PTPRT: variants seen among roughly 807,000 people sequenced by gnomAD.
PTPRT encodes the protein protein tyrosine phosphatase receptor type T.
A neutral mutation model predicts 176.8 loss-of-function variants in PTPRT; 56 were observed. That is an observed-to-expected ratio of 0.32 (90% CI 0.26 to 0.40). The LOEUF (loss-of-function observed/expected upper bound fraction) is 0.40, where lower values mean the gene tolerates loss of function less well. Among genes scored for constraint, PTPRT ranks in the 10% least tolerant of loss-of-function variants. The pLI is 1.00. For missense variants in PTPRT, 1,540 were observed against 1,908.2 expected (o/e 0.81, Z 3.60); for synonymous variants, 783 against 739.0 (o/e 1.06, Z -0.96).
chr20:42,850,155 C>T (rs1057194291), intron 2 of PTPRT, among the ~76,000 whole-genome samples: 2 of 152,210 alleles, frequency 1.3e-5, no homozygotes, highest in Non-Finnish European at 2.9e-5. Context: ...CTTCAGGTTT[C>T]TGAGCAGCAT....
Position 42,276,634 on chromosome 20 carries a change from A to C in PTPRT, c.2176+5855T>G, listed in dbSNP as rs73257046. On this transcript the variant is annotated intron_variant, in intron 13 of 30. Coordinates refer to ENST00000373187, the MANE Select transcript of PTPRT (RefSeq NM_007050.6). Reference sequence around the variant, plus strand: ...TGAAGGGACAGATTCGTAGATTTTAACTGACTTGTCCAAGGTCTAACAGCT... The same window carrying C: ...TGAAGGGACAGATTCGTAGATTTTACCTGACTTGTCCAAGGTCTAACAGCT... Among the ~76,000 whole-genome samples, 507 of 145,562 alleles carry C rather than the reference A, an allele frequency of 3.5e-3. 4 individuals carry two copies. The highest frequency in any genetic ancestry group is 0.012 in the African/African-American group (485 of 39,766).
chr20:43,141,992 T>C (rs549477856), intron 1 of PTPRT, among the ~76,000 whole-genome samples: 7 of 152,258 alleles, frequency 4.6e-5, no homozygotes, highest in Admixed American at 3.3e-4. Context: ...GCATGCGACG[T>C]GGAGTACAGA....
intron 7 of PTPRT, among the ~76,000 whole-genome samples, chr20:42,492,310 C>T (rs533068724): frequency 2.0e-5 from 3 of 152,146 alleles, no homozygotes; most frequent in Non-Finnish European, 2.9e-5. Context: ...CCACCAGCAA[C>T]GTAGGAGAGA....
chr20:42,741,054 G>A (rs988386805), intron 6 of PTPRT, among the ~76,000 whole-genome samples: 8 of 152,280 alleles, frequency 5.3e-5, no homozygotes, highest in African/African-American at 1.9e-4. Context: ...AAATTTGGAA[G>A]GTTTAGAGAG....
Position 42,869,613 on chromosome 20 carries a change from G to A in PTPRT, c.214+16194C>T, listed in dbSNP as rs914788312. Reference sequence around the variant, plus strand: ...TTGATTTCACAGGCACACAGCTGGAGAGCAATTTGCCTCAAGATGAATCAT... The same window carrying A: ...TTGATTTCACAGGCACACAGCTGGAAAGCAATTTGCCTCAAGATGAATCAT... On this transcript the variant is annotated intron_variant, in intron 2 of 30. Transcript: ENST00000373187. 3.3e-5 allele frequency among the ~76,000 whole-genome samples: 5 copies of A among 152,196 alleles called. No homozygotes were observed. In the South Asian group the frequency reaches 6.2e-4, roughly 19 times the overall value.
At chr20:42,992,532 C>T (rs1983976372) in intron 1 of PTPRT, among the ~76,000 whole-genome samples, 1 of 152,200 alleles carries the variant, frequency 6.6e-6, no homozygotes, top group Non-Finnish European at 1.5e-5. Flanking sequence ...AAGGAGTTAG[C>T]ATCTTTATCC....
Position 42,472,279 on chromosome 20 carries a change from C to T in PTPRT, c.1437G>A (p.Gln479=), listed in dbSNP as rs74167780. 1 of 1,614,050 alleles carries T rather than the reference C, an allele frequency of 6.2e-7. No homozygotes were observed. The highest frequency in any genetic ancestry group is 2.2e-5 in the East Asian group (1 of 44,878). The change falls in exon 8 of 31, where the codon CAG becomes CAA. Residue 479 remains glutamine (Q), a synonymous_variant. Transcript: ENST00000373187. The stretch of plus-strand genomic sequence containing the variant: ...TCCCTTGCTCACCGTCTTCCTCAGT[C>T]TGCACCACCAGCTCCTCGCTCTCCA... ...GRMESEELVV[Q]TEEDVPGAVP...
chr20:42,181,033 A>G (rs1414729099), intron 16 of PTPRT, among the ~76,000 whole-genome samples: 1 of 152,268 alleles, frequency 6.6e-6, no homozygotes, highest in African/African-American at 2.4e-5. Context: ...TAAGGATTAA[A>G]TGATATAACG....
rs114946624 is a variant in PTPRT, at chr20:42,125,540, C to T, written c.2847+3214G>A. On this transcript the variant is annotated intron_variant, in intron 19 of 30. Coordinates refer to ENST00000373187, the MANE Select transcript of PTPRT (RefSeq NM_007050.6). ...CCTATTACAGACAGAAGAAGAAGGT[C>T]GTGGTGTGTCCTAAGTGGGCAGAGA... 9.2e-3 allele frequency among the ~76,000 whole-genome samples: 1,399 copies of T among 152,236 alleles called. 23 individuals carry two copies. The highest frequency in any genetic ancestry group is 0.031 in the African/African-American group (1,294 of 41,540).
chr20:42,486,817 C>A (rs533420583), intron 7 of PTPRT, among the ~76,000 whole-genome samples: 7 of 152,036 alleles, frequency 4.6e-5, no homozygotes, highest in Non-Finnish European at 1.0e-4. Context: ...ATGAATGCAC[C>A]AGAGCCGAGC....
chr20:42,268,668 A>C (rs1263489225), intron 13 of PTPRT, among the ~76,000 whole-genome samples: 2 of 152,204 alleles, frequency 1.3e-5, no homozygotes, highest in African/African-American at 4.8e-5. Context: ...AGCACATATG[A>C]TAATTAGTTT....
intron 12 of PTPRT, among the ~76,000 whole-genome samples, chr20:42,292,487 T>C (rs186253959): frequency 1.3e-5 from 2 of 152,252 alleles, no homozygotes; most frequent in Admixed American, 6.5e-5. Context: ...TTAATCCTTA[T>C]AACAAGACTG....
At chr20:42,778,466 A>C (rs2077168601) in intron 4 of PTPRT, among the ~76,000 whole-genome samples, 1 of 152,310 alleles carries the variant, frequency 6.6e-6, no homozygotes, top group Non-Finnish European at 1.5e-5. Context: ...AGAAAGCTAA[A>C]GTCCAAGCAT....
intron 9 of PTPRT, among the ~76,000 whole-genome samples, chr20:42,424,179 G>A (rs529286386): frequency 1.3e-5 from 2 of 152,024 alleles, no homozygotes; most frequent in South Asian, 4.2e-4. Flanking sequence ...AAACATTTTT[G>A]TTCTTGTCAT....
At chr20:42,785,903 G>A (rs2077282842) in intron 3 of PTPRT, among the ~76,000 whole-genome samples, 1 of 152,004 alleles carries the variant, frequency 6.6e-6, no homozygotes, top group Non-Finnish European at 1.5e-5. Context: ...GTTTGGCTCT[G>A]TGTCCCCACC....
At position 42,975,754 on chromosome 20, in the gene PTPRT, G is replaced by T. The variant is rs548744482; in HGVS notation, c.89-89822C>A. 1.1e-3 allele frequency among the ~76,000 whole-genome samples: 160 copies of T among 152,172 alleles called. 1 individual carries two copies. The highest frequency in any genetic ancestry group is 3.8e-3 in the African/African-American group (157 of 41,506). ...GGAAATCTGGCAGTCTAGCCGTTAC[G>T]TAGAAATCCCAAGGCAATCAGCAAA... On this transcript the variant is annotated intron_variant, in intron 1 of 30. Transcript: ENST00000373187.
At chr20:42,624,255 AC>A (rs1486637874) in intron 7 of PTPRT, among the ~76,000 whole-genome samples, 2 of 152,198 alleles carry the variant, frequency 1.3e-5, no homozygotes, top group East Asian at 3.9e-4. Flanking sequence ...GCCTGCAACA[AC>A]ATGATGGACC....
At chr20:42,858,359 C>T (rs1308268915) in intron 2 of PTPRT, among the ~76,000 whole-genome samples, 2 of 152,170 alleles carry the variant, frequency 1.3e-5, no homozygotes, top group Non-Finnish European at 2.9e-5. Flanking sequence ...TAGGGAGATT[C>T]TTGCTAAAAC....
intron 6 of PTPRT, among the ~76,000 whole-genome samples, chr20:42,700,828 T>C (rs1312344100): frequency 6.6e-6 from 1 of 152,138 alleles, no homozygotes; most frequent in Non-Finnish European, 1.5e-5. Flanking sequence ...AGATCTTATT[T>C]TTTAGGAGCG....
Sources: allele counts gnomAD v4.1 joint callset (sites outside exome capture counted in the v4.1 genomes callset), GRCh38; gene constraint gnomAD v4.1.1; transcripts MANE v1.5; gene names NCBI Gene and HGNC (gene_info 2026-07-23, HGNC 2026-07-21).